Variants in TRMT11 observed in about 807,000 individuals in gnomAD.
The protein encoded by TRMT11 is tRNA methyltransferase 11.
Under a neutral mutation model 62.8 loss-of-function variants are expected in TRMT11, and 53 were observed. That is an observed-to-expected ratio of 0.84 (90% CI 0.68 to 1.06). TRMT11 has a LOEUF of 1.06. Among genes scored for constraint, TRMT11 ranks in the 50% least tolerant of loss-of-function variants. The pLI is 0.00. For missense variants in TRMT11, 556 were observed against 553.4 expected (o/e 1.00, Z -0.05); for synonymous variants, 188 against 190.3 (o/e 0.99, Z 0.10).
At chr6:126,225,268 A>G in the TRMT11 span, among the ~76,000 whole-genome samples, 1 of 152,238 alleles carries the variant, frequency 6.6e-6, no homozygotes, top group South Asian at 2.1e-4. Flanking sequence ...TCAAATGACC[A>G]GGGGGTTTAT....
At chr6:126,140,916 T>TA (rs1476272326) in intron 21 of TRMT11, among the ~76,000 whole-genome samples, 1 of 152,038 alleles carries the variant, frequency 6.6e-6, no homozygotes, top group Admixed American at 6.6e-5. Flanking sequence ...ATCATAGAAT[T>TA]AAAAAATGCT....
At chr6:126,138,623 A>G (rs954006050) in intron 21 of TRMT11, among the ~76,000 whole-genome samples, 4 of 152,032 alleles carry the variant, frequency 2.6e-5, no homozygotes, top group Admixed American at 6.6e-5. Context: ...TTTTAAGGCA[A>G]ATATTTAATT....
intron 21 of TRMT11, among the ~76,000 whole-genome samples, chr6:126,126,303 A>C (rs1027350839): frequency 1.3e-5 from 2 of 152,152 alleles, no homozygotes; most frequent in African/African-American, 4.8e-5. Flanking sequence ...TCATATACAC[A>C]TTTAGTCATA....
At chr6:126,068,232 T>C (rs1441372130) in intron 17 of TRMT11, among the ~76,000 whole-genome samples, 1 of 152,078 alleles carries the variant, frequency 6.6e-6, no homozygotes, top group East Asian at 1.9e-4. Context: ...TATTATAGCT[T>C]TTTACTCATT....
At chr6:126,145,434 AAG>A (rs1353923644) in intron 21 of TRMT11, among the ~76,000 whole-genome samples, 2 of 152,224 alleles carry the variant, frequency 1.3e-5, no homozygotes, top group African/African-American at 2.4e-5. Context: ...GAGTAGTCTT[AAG>A]AGAGAGAAAA....
At chr6:126,246,261 G>A in the TRMT11 span, among the ~76,000 whole-genome samples, 5 of 152,162 alleles carry the variant, frequency 3.3e-5, no homozygotes, top group Admixed American at 3.3e-4. Flanking sequence ...GAGCTCACAC[G>A]AAGGTGAACA....
chr6:126,204,424 G>A (rs2128254190), downstream of TRMT11, among the ~76,000 whole-genome samples: 1 of 152,272 alleles, frequency 6.6e-6, no homozygotes, highest in East Asian at 1.9e-4. Context: ...CACCATGGAG[G>A]GAGAGAAGGT....
intron 17 of TRMT11, among the ~76,000 whole-genome samples, chr6:126,101,419 A>C (rs1457992487): frequency 3.3e-5 from 5 of 152,256 alleles, no homozygotes; most frequent in Non-Finnish European, 5.9e-5. Context: ...AATCAGAATC[A>C]CAACTACCCA....
At chr6:126,231,140 G>C in the TRMT11 span, among the ~76,000 whole-genome samples, 2 of 152,106 alleles carry the variant, frequency 1.3e-5, no homozygotes, top group African/African-American at 2.4e-5. Context: ...TTTTTAATCT[G>C]TTGGGTTATT....
At position 126,167,353 on chromosome 6, in the gene TRMT11, C is replaced by T. The variant is rs550863025; in HGVS notation, c.*1824-7472C>T. 3.3e-5 allele frequency among the ~76,000 whole-genome samples: 5 copies of T among 152,306 alleles called. No homozygotes were observed. In the South Asian group the frequency reaches 8.3e-4, roughly 25 times the overall value. On this transcript the variant is annotated intron_variant and NMD_transcript_variant, in intron 21 of 22. Coordinates refer to the TRMT11 transcript ENST00000648977. ...CATGGCACAGTCCCTAACAGCTTCC[C>T]TTGGCTAGGGGAGGAAGTTCTCTGA...
rs1265088759 is a variant in TRMT11 at position 126,093,606 on chromosome 6, TATATA to T, written c.*1438-19259_*1438-19255del. Reference sequence around the variant, plus strand: ...GTATGTATATATATATATATATATATATATATATATATATATATATATATATTTTC... The same window carrying T: ...GTATGTATATATATATATATATATATTATATATATATATATATATATTTTC... On this transcript the variant is annotated intron_variant and NMD_transcript_variant, in intron 17 of 22. Transcript: ENST00000648977. Among the ~76,000 whole-genome samples, 35 of 89,312 alleles carry T rather than the reference TATATA, an allele frequency of 3.9e-4. 1 individual carries two copies. Among genetic ancestry groups the T allele is most frequent in the African/African-American group, 2.1e-3 (32 of 14,886 alleles). The allele number at this position is 89,312 out of a possible 152,430, so 58.6% of individuals were successfully genotyped here. A position where few individuals can be genotyped will look rare whatever the true frequency, so the allele number is the denominator to read the frequency against.
At chr6:126,046,020 G>A (rs916199405) in intron 16 of TRMT11, among the ~76,000 whole-genome samples, 1 of 152,012 alleles carries the variant, frequency 6.6e-6, no homozygotes, top group Non-Finnish European at 1.5e-5. Context: ...CTAGTATTTG[G>A]TCTTTTACTG....
At chr6:126,136,297 T>C (rs1777849105) in intron 21 of TRMT11, among the ~76,000 whole-genome samples, 1 of 151,654 alleles carries the variant, frequency 6.6e-6, no homozygotes, top group East Asian at 1.9e-4. Flanking sequence ...AATTTTAAGA[T>C]ACAAATAACA....
chr6:126,155,014 T>C (rs1471766558), intron 21 of TRMT11, among the ~76,000 whole-genome samples: 1 of 152,150 alleles, frequency 6.6e-6, no homozygotes, highest in African/African-American at 2.4e-5. Context: ...CCTTGTGGGG[T>C]TGGTCTCTAA....
At chr6:126,219,553 C>T in the TRMT11 span, among the ~76,000 whole-genome samples, 6 of 152,104 alleles carry the variant, frequency 3.9e-5, no homozygotes, top group African/African-American at 1.4e-4. Context: ...TACACCTTCC[C>T]GTGATTTCTA....
Position 126,013,111 on chromosome 6 carries a change from C to A in TRMT11, c.1139+10C>A. ...CGGTGTATACGCCAGAGTATGTAAT[C>A]TTAATTTTATTTTTAATTTCATTTT... On this transcript the variant is annotated intron_variant, in intron 11 of 12. Transcript: ENST00000334379. 6.3e-7 allele frequency: 1 copy of A among 1,587,920 alleles called. No homozygotes were observed. The highest frequency in any genetic ancestry group is 1.2e-5 in the South Asian group (1 of 84,990).
Position 126,092,613 on chromosome 6 carries a change from TTAGA to T in TRMT11, c.*1438-20248_*1438-20245del, listed in dbSNP as rs568341603. Among the ~76,000 whole-genome samples, 69 of 152,334 alleles carry T rather than the reference TTAGA, an allele frequency of 4.5e-4. No individual in the cohort carries two copies. The South Asian group carries it at 0.013, about 28-fold the overall frequency. ...CGTATCATCTGGTTTTCTAACTTTG[TTAGA>T]TAGACGAACTAGAGAACACAATGAA... On this transcript the variant is annotated intron_variant and NMD_transcript_variant, in intron 17 of 22. Transcript: ENST00000648977.
chr6:126,185,018 C>A (rs1404712609), intron 1 of TRMT11, among the ~76,000 whole-genome samples: 1 of 152,130 alleles, frequency 6.6e-6, no homozygotes, highest in Non-Finnish European at 1.5e-5. Flanking sequence ...TCTTTGAGAT[C>A]ATGTCTTTCT....
At chr6:126,224,112 T>A in the TRMT11 span, among the ~76,000 whole-genome samples, 1 of 152,236 alleles carries the variant, frequency 6.6e-6, no homozygotes, top group African/African-American at 2.4e-5. Context: ...ATGATCTTTG[T>A]TGCCACCCAG....
Sources: allele counts gnomAD v4.1 joint callset (sites outside exome capture counted in the v4.1 genomes callset), GRCh38; gene constraint gnomAD v4.1.1; transcripts MANE v1.5; gene names NCBI Gene and HGNC (gene_info 2026-07-23, HGNC 2026-07-21).